The following PIEZO2 variants were observed in gnomAD, a reference collection of about 807,000 sequenced individuals.
PIEZO2 encodes piezo-type mechanosensitive ion channel component 2.
PIEZO2 carries 172 observed loss-of-function variants against 337.3 expected under a neutral mutation model. That is an observed-to-expected ratio of 0.51 (90% CI 0.45 to 0.58). PIEZO2 has a LOEUF of 0.58. Ranked by LOEUF, PIEZO2 falls within the 20% of genes least tolerant of loss-of-function variation. PIEZO2 has a pLI of 0.00. For synonymous variants in PIEZO2, 1,251 were observed against 1,228.5 expected (o/e 1.02, Z -0.38); for missense variants, 3,028 against 3,391.3 (o/e 0.89, Z 2.66).
intron 3 of PIEZO2, among the ~76,000 whole-genome samples, chr18:10,918,566 A>C (rs552340612): frequency 2.5e-4 from 38 of 152,204 alleles, no homozygotes; most frequent in African/African-American, 9.1e-4. Context: ...CTCACTATCA[A>C]CATATGTTCA....
intron 17 of PIEZO2, among the ~76,000 whole-genome samples, chr18:10,782,371 T>TATATATAAATAATTA (rs2039043020): frequency 2.1e-5 from 1 of 48,758 alleles, no homozygotes; most frequent in South Asian, 6.7e-4. Flanking sequence ...ATATAAATAA[T>TATATATAAATAATTA]TATAATATAT....
intron 39 of PIEZO2, among the ~76,000 whole-genome samples, chr18:10,710,769 C>G (rs889780825): frequency 2.0e-5 from 3 of 152,244 alleles, no homozygotes; most frequent in Non-Finnish European, 2.9e-5. Context: ...ATGACTTCCA[C>G]TGCAGAACCT....
At chr18:10,734,349 G>A (rs1247730249) in intron 35 of PIEZO2, among the ~76,000 whole-genome samples, 1 of 152,186 alleles carries the variant, frequency 6.6e-6, no homozygotes, top group Non-Finnish European at 1.5e-5. Context: ...CCACGGTTGT[G>A]CTTCACATGA....
At chr18:10,720,234 G>GTGTGTGTATATATATATATATATA (rs1225106343) in intron 36 of PIEZO2, among the ~76,000 whole-genome samples, 3 of 119,920 alleles carry the variant, frequency 2.5e-5, no homozygotes, top group African/African-American at 1.0e-4. Context: ...GTGTGTGTGT[G>GTGTGTGTATATATATATATATATA]TATATATATA....
intron 3 of PIEZO2, among the ~76,000 whole-genome samples, chr18:10,918,061 G>A (rs542020820): frequency 2.4e-4 from 37 of 152,276 alleles, no homozygotes; most frequent in African/African-American, 8.9e-4. Flanking sequence ...ATGATCTTCT[G>A]TTGAAATTTA....
Position 11,066,221 on chromosome 18 carries a change from T to A in PIEZO2, c.66A>T (p.Ala22=). 6.6e-7 allele frequency: 1 copy of A among 1,518,022 alleles called. No homozygotes were observed. The highest frequency in any genetic ancestry group is 2.5e-5 in the East Asian group (1 of 39,496). The allele number at this position is 1,518,022 out of a possible 1,614,324, so 94.0% of individuals were successfully genotyped here. A position where few individuals can be genotyped will look rare whatever the true frequency, so the allele number is the denominator to read the frequency against. ...RLLLPICLAV[A]CAFRYNGLSF... ...AGAGCCCATTGTATCGGAATGCACA[T>A]GCTGTGGGTGGGAAGAGAGAAGAGA... The change falls in exon 2 of 56, where the codon GCA becomes GCT. Residue 22 remains alanine (A), a splice_region_variant and synonymous_variant. Transcript: ENST00000674853.
Position 10,759,229 on chromosome 18 carries a change from T to TGTG in PIEZO2, c.3757+252_3757+253insCAC, listed in dbSNP as rs2038018235. ...TGTGTGTGTGTGTGTGTGTGTGTGT[T>TGTG]TGTGTGTGTGTGTTGGGGGAAGTGA... On this transcript the variant is annotated intron_variant, in intron 26 of 55. Coordinates refer to ENST00000674853, the MANE Select transcript of PIEZO2 (RefSeq NM_001378183.1). This position sits in a 1 kb window ranked among gnomAD's most constrained non-coding sequence, Gnocchi z 5.5. Among the ~76,000 whole-genome samples, 95 of 141,692 alleles carry TGTG rather than the reference T, an allele frequency of 6.7e-4. No homozygotes were observed. The highest frequency in any genetic ancestry group is 2.4e-3 in the African/African-American group (94 of 39,356). 93.0% of individuals were successfully genotyped at this position (141,692 alleles called of 152,430 possible). A position where few individuals can be genotyped will look rare whatever the true frequency, so the allele number is the denominator to read the frequency against.
intron 1 of PIEZO2, among the ~76,000 whole-genome samples, chr18:11,139,903 C>A (rs113805207): frequency 7.2e-5 from 11 of 152,162 alleles, no homozygotes; most frequent in African/African-American, 2.2e-4. Flanking sequence ...CCATCGAGTT[C>A]TCTTCTAGGG....
At position 10,942,427 on chromosome 18, in the gene PIEZO2, G is replaced by T. The variant is rs1178306510; in HGVS notation, c.287-31199C>A. Among the ~76,000 whole-genome samples the T allele has an allele frequency of 6.6e-6, 1 of 152,182 alleles. No individual in the cohort carries two copies. The highest frequency in any genetic ancestry group is 2.4e-5 in the African/African-American group (1 of 41,452). Reference sequence around the variant, plus strand: ...CAGATGTAGATGAGGAACTTGTTGGGAAATGGAGCAAACACAACTCTTGTT... The same window carrying T: ...CAGATGTAGATGAGGAACTTGTTGGTAAATGGAGCAAACACAACTCTTGTT... On this transcript the variant is annotated intron_variant, in intron 3 of 55. Transcript: ENST00000674853. The surrounding 1 kb of genome is among the most constrained non-coding windows in gnomAD (Gnocchi z 4.4).
Position 10,726,845 on chromosome 18 carries a change from T to G in PIEZO2, c.5029+4562A>C. On this transcript the variant is annotated intron_variant, in intron 36 of 55. Coordinates refer to ENST00000674853, the MANE Select transcript of PIEZO2 (RefSeq NM_001378183.1). This position sits in a 1 kb window ranked among gnomAD's most constrained non-coding sequence, Gnocchi z 5.9. The stretch of plus-strand genomic sequence containing the variant: ...GATAATACCCGGATGCCCCACCTTA[T>G]GCAGGACTTGGCACGCTACCGGCAG... 6.3e-7 allele frequency: 1 copy of G among 1,586,922 alleles called. No individual in the cohort carries two copies. The highest frequency in any genetic ancestry group is 1.1e-5 in the South Asian group (1 of 89,586).
chr18:10,909,382 G>C (rs1007651899), intron 4 of PIEZO2, among the ~76,000 whole-genome samples: 52 of 152,226 alleles, frequency 3.4e-4, no homozygotes, highest in African/African-American at 1.2e-3. Context: ...CTTAAGGGAA[G>C]TGATAATGAG....
At chr18:10,822,635 G>C (rs2040551794) in intron 7 of PIEZO2, among the ~76,000 whole-genome samples, 1 of 152,162 alleles carries the variant, frequency 6.6e-6, no homozygotes, top group Non-Finnish European at 1.5e-5. Context: ...AGCTCTCATA[G>C]GTCGGGAAGG....
intron 4 of PIEZO2, among the ~76,000 whole-genome samples, chr18:10,902,339 G>A (rs2043071596): frequency 6.6e-6 from 1 of 152,178 alleles, no homozygotes; most frequent in African/African-American, 2.4e-5. Context: ...TTGCCCATCT[G>A]CTTCCAAGGA....
chr18:11,144,463 C>T (rs2040756036), intron 1 of PIEZO2, among the ~76,000 whole-genome samples: 1 of 152,112 alleles, frequency 6.6e-6, no homozygotes, highest in African/African-American at 2.4e-5. Flanking sequence ...ATGCTGATCA[C>T]ATAGACATTA....
rs546080419 is a variant in PIEZO2, at chr18:10,967,274, C to T, written c.286+12261G>A. Among the ~76,000 whole-genome samples, 76 of 152,224 alleles carry T rather than the reference C, an allele frequency of 5.0e-4. No homozygotes were observed. The East Asian group carries it at 7.0e-3, about 14-fold the overall frequency. On this transcript the variant is annotated intron_variant, in intron 3 of 55. Coordinates refer to ENST00000674853, the MANE Select transcript of PIEZO2 (RefSeq NM_001378183.1). The stretch of plus-strand genomic sequence containing the variant: ...CCTCATGATCCACCTGCCTCGGCCT[C>T]CCAAAGTGCTGGGATTACAGGTGTG...
At chr18:11,142,301 TTAGA>T (rs146659438) in intron 1 of PIEZO2, among the ~76,000 whole-genome samples, 2,545 of 152,332 alleles carry the variant, frequency 0.017, 70 homozygotes, top group African/African-American at 0.058. Context: ...TCTATGCCTA[TTAGA>T]TAATCACTAG....
intron 3 of PIEZO2, among the ~76,000 whole-genome samples, chr18:10,977,592 T>G (rs1353306354): frequency 6.6e-6 from 1 of 151,950 alleles, no homozygotes; most frequent in Admixed American, 6.6e-5. Context: ...TGGTGAAATA[T>G]AATAAATGCT....
At position 10,940,395 on chromosome 18, in the gene PIEZO2, G is replaced by A. The variant is rs755081639; in HGVS notation, c.287-29167C>T. On this transcript the variant is annotated intron_variant, in intron 3 of 55. Transcript: ENST00000674853. This position sits in a 1 kb window ranked among gnomAD's most constrained non-coding sequence, Gnocchi z 5.3. Reference sequence around the variant, plus strand: ...TGATTTCACAGGATCAGTGCTACATGGATGCCAACAACATAAGCGAATCTT... The same window carrying A: ...TGATTTCACAGGATCAGTGCTACATAGATGCCAACAACATAAGCGAATCTT... Among the ~76,000 whole-genome samples the A allele has an allele frequency of 1.2e-4, 18 of 152,170 alleles. No individual in the cohort carries two copies. The highest frequency in any genetic ancestry group is 1.9e-4 in the African/African-American group (8 of 41,444).
At chr18:10,906,960 G>A (rs1328837638) in intron 4 of PIEZO2, among the ~76,000 whole-genome samples, 3 of 152,118 alleles carry the variant, frequency 2.0e-5, no homozygotes, top group African/African-American at 7.2e-5. Context: ...CACTCCCAGA[G>A]GGAACATTTA....
Sources: gnomAD v4.1 joint callset for allele counts (sites outside exome capture counted in the v4.1 genomes callset) on GRCh38, gnomAD v4.1.1 for gene constraint, Gnocchi (gnomAD v3.1) non-coding constraint, MANE v1.5 for transcripts, NCBI Gene and HGNC (gene_info 2026-07-23, HGNC 2026-07-21) for gene names.